The following GRIP2 variants were observed in gnomAD, a reference collection of about 807,000 sequenced individuals.
GRIP2 encodes glutamate receptor interacting protein 2.
A neutral mutation model predicts 108.3 loss-of-function variants in GRIP2; 58 were observed. That is an observed-to-expected ratio of 0.54 (90% CI 0.43 to 0.67). The LOEUF is 0.67. Among genes scored for constraint, GRIP2 ranks in the 30% least tolerant of loss-of-function variants. GRIP2 has a pLI of 0.00. For missense variants in GRIP2, 1,278 were observed against 1,430.6 expected (o/e 0.89, Z 1.72); for synonymous variants, 586 against 598.2 (o/e 0.98, Z 0.30).
chr3:14,542,173 T>G, upstream of GRIP2: 2 of 800,148 alleles, frequency 2.5e-6, no homozygotes, highest in Non-Finnish European at 3.5e-6. Context: ...TTTTTTTTTG[T>G]GACACAGCGT....
chr3:14,522,109 AC>A lies in GRIP2; in HGVS notation c.567-323del, dbSNP rs541708314. ...GAGCTGGGGGTGCTCTTCAAGCGTC[AC>A]CCCCAACTCCTGCCTCAGGGACAAA... is the stretch of plus-strand genomic sequence containing the variant. On this transcript the variant is annotated intron_variant, in intron 6 of 23. Transcript: ENST00000621039. The surrounding 1 kb of genome is among the most constrained non-coding windows in gnomAD (Gnocchi z 4.3). The A allele has an allele frequency of 1.3e-3, 372 of 276,878 alleles. 3 individuals carry two copies. Among genetic ancestry groups the A allele is most frequent in the African/African-American group, 7.9e-3 (355 of 44,948 alleles). The allele number at this position is 276,878 out of a possible 1,614,324, so 17.2% of individuals were successfully genotyped here.
At chr3:14,531,606 G>T (rs936898299) in intron 1 of GRIP2, among the ~76,000 whole-genome samples, 1 of 152,158 alleles carries the variant, frequency 6.6e-6, no homozygotes, top group South Asian at 2.1e-4. Context: ...ACATTATCTT[G>T]TTCCACCTCA....
intron 19 of GRIP2, among the ~76,000 whole-genome samples, chr3:14,506,366 G>C (rs1399735021): frequency 6.6e-6 from 1 of 152,246 alleles, no homozygotes; most frequent in South Asian, 2.1e-4. Flanking sequence ...CTGGGAGGGA[G>C]CCCGAGGTGT....
At chr3:14,520,041 C>G (rs1453986211) in intron 9 of GRIP2, 69 bp downstream of exon 9, 3 of 1,441,212 alleles carry the variant, frequency 2.1e-6, no homozygotes, top group African/African-American at 1.4e-5. Flanking sequence ...GCCCAGGGCT[C>G]TGGTCCCAGG....
chr3:14,569,594 G>T, the GRIP2 span, among the ~76,000 whole-genome samples: 1 of 152,154 alleles, frequency 6.6e-6, no homozygotes, highest in Non-Finnish European at 1.5e-5. Flanking sequence ...TGGGTGAGGA[G>T]ACCTTGGGGA....
intron 3 of GRIP2, among the ~76,000 whole-genome samples, chr3:14,524,794 C>T (rs1211133918): frequency 3.3e-5 from 5 of 152,310 alleles, no homozygotes; most frequent in Admixed American, 2.0e-4. Context: ...GTGTCTCAGA[C>T]GAGCCTGCAG....
Position 14,505,232 on chromosome 3 carries a change from G to A in GRIP2, c.2573+383C>T, listed in dbSNP as rs1161937360. Among the ~76,000 whole-genome samples, 1 of 152,160 alleles carries A rather than the reference G, an allele frequency of 6.6e-6. No individual in the cohort carries two copies. The highest frequency in any genetic ancestry group is 1.5e-5 in the Non-Finnish European group (1 of 68,014). On this transcript the variant is annotated intron_variant, in intron 20 of 23. Transcript: ENST00000621039. The surrounding 1 kb of genome is among the most constrained non-coding windows in gnomAD (Gnocchi z 4.2). ...CCTTCTCCAGCGGCTCAGCCACTCG[G>A]CACAGCCCAGGGATGGTGCCGGTGG...
chr3:14,601,346 C>T, the GRIP2 span, among the ~76,000 whole-genome samples: 10 of 152,156 alleles, frequency 6.6e-5, no homozygotes, highest in African/African-American at 2.2e-4. Flanking sequence ...CCTGGCTCTG[C>T]GAGATTTCCT....
At chr3:14,573,633 G>A in the GRIP2 span, 1 of 1,500,730 alleles carries the variant, frequency 6.7e-7, no homozygotes, top group South Asian at 1.1e-5. Context: ...GGGCCGTCCT[G>A]TGATGACACA....
chr3:14,502,384 C>T (rs1693789995), intron 21 of GRIP2, among the ~76,000 whole-genome samples: 3 of 151,954 alleles, frequency 2.0e-5, no homozygotes, highest in Admixed American at 2.0e-4. Context: ...ATCCCAGTTA[C>T]TCAGGAGGCT....
At chr3:14,540,980 A>G (rs559572501), upstream of GRIP2, among the ~76,000 whole-genome samples, 4 of 152,360 alleles carry the variant, frequency 2.6e-5, no homozygotes, top group East Asian at 5.8e-4. The surrounding 1 kb of genome is among the most constrained non-coding windows in gnomAD (Gnocchi z 4.1). Context: ...GTGAAGACCA[A>G]GTGAGCTGGG....
At chr3:14,569,767 G>C in the GRIP2 span, among the ~76,000 whole-genome samples, 4 of 152,132 alleles carry the variant, frequency 2.6e-5, no homozygotes, top group Admixed American at 6.5e-5. Flanking sequence ...TTCCTCCAGA[G>C]CCTCACAAGC....
chr3:14,571,415 C>A, the GRIP2 span, among the ~76,000 whole-genome samples: 2 of 152,186 alleles, frequency 1.3e-5, no homozygotes, highest in African/African-American at 4.8e-5. Context: ...AGGGGACCCT[C>A]AGAGCCACTG....
At chr3:14,560,158 G>T (rs1695298192), upstream of GRIP2, among the ~76,000 whole-genome samples, 2 of 152,190 alleles carry the variant, frequency 1.3e-5, no homozygotes, top group African/African-American at 4.8e-5. Context: ...CGAGGCTGAG[G>T]CAGGAGGATC....
intron 11 of GRIP2, among the ~76,000 whole-genome samples, chr3:14,514,879 A>T (rs1049631386): frequency 6.6e-6 from 1 of 152,198 alleles, no homozygotes; most frequent in African/African-American, 2.4e-5. Flanking sequence ...CACCTATTTA[A>T]TGTGTACAAT....
At chr3:14,550,801 G>A (rs181947261) in intron 1 of GRIP2, among the ~76,000 whole-genome samples, 3 of 152,172 alleles carry the variant, frequency 2.0e-5, no homozygotes, top group Non-Finnish European at 2.9e-5. Flanking sequence ...CCCACTCTGC[G>A]CATGGGCACT....
At chr3:14,551,372 TG>T (rs1431481258) in intron 1 of GRIP2, among the ~76,000 whole-genome samples, 1 of 152,208 alleles carries the variant, frequency 6.6e-6, no homozygotes, top group East Asian at 1.9e-4. Context: ...AATGTGCGGT[TG>T]GGGCATTCAG....
At chr3:14,574,349 G>A in the GRIP2 span, 4 of 992,824 alleles carry the variant, frequency 4.0e-6, no homozygotes, top group Non-Finnish European at 1.6e-6. Context: ...CCGGCACAGC[G>A]ATGCGCTGGT....
At chr3:14,556,402 C>A (rs1415363351), upstream of GRIP2, among the ~76,000 whole-genome samples, 1 of 152,200 alleles carries the variant, frequency 6.6e-6, no homozygotes, top group Non-Finnish European at 1.5e-5. Flanking sequence ...GGACTCCATG[C>A]ATCCTCTCTG....
Sources: allele counts gnomAD v4.1 joint callset (sites outside exome capture counted in the v4.1 genomes callset), GRCh38; gene constraint gnomAD v4.1.1; non-coding constraint Gnocchi (gnomAD v3.1); transcripts MANE v1.5; gene names NCBI Gene and HGNC (gene_info 2026-07-23, HGNC 2026-07-21).